AUH: variants seen among roughly 807,000 people sequenced by gnomAD.
The protein encoded by AUH is methylglutaconyl-CoA hydratase, mitochondrial.
In AUH, 29 loss-of-function variants were observed where a neutral mutation model predicts 42.3. The observed-to-expected ratio is 0.69, with a 90% CI of 0.51 to 0.93. The LOEUF (loss-of-function observed/expected upper bound fraction) is 0.93, where lower values mean the gene tolerates loss of function less well. Ranked by LOEUF, AUH falls within the 40% of genes least tolerant of loss-of-function variation. The probability of loss-of-function intolerance (pLI) is 0.00; values close to 1 mark genes in which losing one functional copy is unlikely to be tolerated. For synonymous variants in AUH, 174 were observed against 166.4 expected, an observed-to-expected ratio of 1.05 and a Z score of -0.35; for missense variants, 452 against 438.1, an observed-to-expected ratio of 1.03 and a Z score of -0.28.
In AUH at chr9:91,336,220, C is replaced by T. The variant is rs535300520; in HGVS notation, c.419-10816G>A. On this transcript the variant is annotated intron_variant, in intron 3 of 9. Coordinates refer to ENST00000375731, the MANE Select transcript of AUH (RefSeq NM_001698.3). ...TGGCATATGCATATATATGTATATACACACACATACATACAAACACATACA... is the reference window on the plus strand; with the variant it reads ...TGGCATATGCATATATATGTATATATACACACATACATACAAACACATACA... Among the ~76,000 whole-genome samples the T allele has an allele frequency of 5.9e-5, 9 of 151,870 alleles. No individual in the cohort carries two copies. The South Asian group carries it at 1.7e-3, about 28-fold the overall frequency.
intron 3 of AUH, among the ~76,000 whole-genome samples, chr9:91,352,661 C>G (rs764386477): frequency 3.3e-5 from 5 of 152,088 alleles, no homozygotes; most frequent in African/African-American, 4.8e-5. Flanking sequence ...TATCTGTTTT[C>G]CTAGCATTTT....
At chr9:91,308,334 C>A (rs777034201) in intron 4 of AUH, among the ~76,000 whole-genome samples, 1 of 152,152 alleles carries the variant, frequency 6.6e-6, no homozygotes, top group Non-Finnish European at 1.5e-5. Flanking sequence ...GCACTTCAGC[C>A]TGGGCAAGAG....
chr9:91,357,983 T>C (rs1010450392), intron 1 of AUH, among the ~76,000 whole-genome samples: 3 of 152,200 alleles, frequency 2.0e-5, no homozygotes, highest in Non-Finnish European at 2.9e-5. Context: ...GTTTCTATAC[T>C]TGGAGATCAT....
intron 6 of AUH, among the ~76,000 whole-genome samples, chr9:91,223,908 C>CA (rs34075719): frequency 3.3e-5 from 5 of 152,044 alleles, no homozygotes; most frequent in African/African-American, 7.2e-5. Context: ...TCAGGCCTTT[C>CA]AAAAAAAGTA....
At chr9:91,286,843 T>G (rs1363766910) in intron 6 of AUH, among the ~76,000 whole-genome samples, 1 of 151,896 alleles carries the variant, frequency 6.6e-6, no homozygotes, top group Non-Finnish European at 1.5e-5. Flanking sequence ...ACATGAGGAA[T>G]AAGTTCAAAA....
chr9:91,349,591 T>C (rs1392877269), intron 3 of AUH, among the ~76,000 whole-genome samples: 1 of 152,130 alleles, frequency 6.6e-6, no homozygotes, highest in Non-Finnish European at 1.5e-5. Flanking sequence ...AAATTTTAAC[T>C]ACATAAACAT....
intron 6 of AUH, among the ~76,000 whole-genome samples, chr9:91,274,253 T>C (rs1049281482): frequency 1.3e-5 from 2 of 152,196 alleles, no homozygotes; most frequent in African/African-American, 4.8e-5. Context: ...ATTTAACAAA[T>C]ATTTACTAAG....
intron 3 of AUH, among the ~76,000 whole-genome samples, chr9:91,327,638 T>C (rs888752481): frequency 3.9e-5 from 6 of 152,158 alleles, no homozygotes; most frequent in African/African-American, 1.4e-4. Context: ...GACAAGGACC[T>C]GGAACTCGCT....
Position 91,286,783 on chromosome 9 carries a change from G to A in AUH, c.655+9238C>T, listed in dbSNP as rs144620327. On this transcript the variant is annotated intron_variant, in intron 6 of 9. Transcript: ENST00000375731. ...ACCTACCTACCTAACTACCTATCGT[G>A]TTTGTATGGGGACACTGAGGAGATG... Among the ~76,000 whole-genome samples the A allele has an allele frequency of 5.4e-4, 82 of 151,252 alleles. 2 individuals carry two copies. In the East Asian group the frequency reaches 0.016, roughly 29 times the overall value.
chr9:91,343,536 G>A (rs910130060), intron 3 of AUH, among the ~76,000 whole-genome samples: 1 of 152,208 alleles, frequency 6.6e-6, no homozygotes, highest in South Asian at 2.1e-4. Flanking sequence ...GGAGGCTGAG[G>A]CAGGCGGCCT....
At chr9:91,262,924 T>G (rs1278370996) in intron 6 of AUH, among the ~76,000 whole-genome samples, 1 of 152,194 alleles carries the variant, frequency 6.6e-6, no homozygotes, top group African/African-American at 2.4e-5. Context: ...CGATCTCACT[T>G]ACAGGCCACA....
chr9:91,218,474 T>C (rs1379021208), intron 7 of AUH: 2 of 347,242 alleles, frequency 5.8e-6, no homozygotes, highest in Non-Finnish European at 8.1e-6. Context: ...TGCACACAAA[T>C]CCCCATCCTC....
At chr9:91,296,238 T>C (rs1014906051) in intron 5 of AUH, among the ~76,000 whole-genome samples, 161 bp from the exon 6 acceptor site, 5 of 151,370 alleles carry the variant, frequency 3.3e-5, no homozygotes, top group African/African-American at 9.7e-5. Context: ...TGGAAATAAG[T>C]AAGCACTCTA....
At chr9:91,308,337 G>C (rs960989957) in intron 4 of AUH, among the ~76,000 whole-genome samples, 4 of 152,114 alleles carry the variant, frequency 2.6e-5, no homozygotes, top group Non-Finnish European at 5.9e-5. Context: ...CTTCAGCCTG[G>C]GCAAGAGAGC....
chr9:91,338,494 G>A (rs753598698), intron 3 of AUH, among the ~76,000 whole-genome samples: 2 of 152,168 alleles, frequency 1.3e-5, no homozygotes, highest in Non-Finnish European at 1.5e-5. Context: ...GCAATGGCGC[G>A]ATCTCGGCTC....
chr9:91,268,433 A>T (rs1377683341), intron 6 of AUH, among the ~76,000 whole-genome samples: 2 of 147,438 alleles, frequency 1.4e-5, no homozygotes, highest in Non-Finnish European at 3.0e-5. Flanking sequence ...CTTCCTAGAC[A>T]TTTTTTTTTT....
At chr9:91,336,096 A>T (rs374153852) in intron 3 of AUH, among the ~76,000 whole-genome samples, 1 of 152,338 alleles carries the variant, frequency 6.6e-6, no homozygotes, top group East Asian at 1.9e-4. Context: ...GTCAATTTAC[A>T]AACAATTTAA....
chr9:91,252,570 T>C (rs528214228), intron 6 of AUH, among the ~76,000 whole-genome samples: 44 of 152,218 alleles, frequency 2.9e-4, no homozygotes, highest in African/African-American at 1.1e-3. Flanking sequence ...ACAAAGACTG[T>C]GTGTGGCCAT....
At chr9:91,280,846 T>C (rs984682065) in intron 6 of AUH, among the ~76,000 whole-genome samples, 1 of 152,214 alleles carries the variant, frequency 6.6e-6, no homozygotes, top group African/African-American at 2.4e-5. Flanking sequence ...TTATGAGGTT[T>C]ACATCAAGGT....
Sources: gnomAD v4.1 joint callset for allele counts (sites outside exome capture counted in the v4.1 genomes callset) on GRCh38, gnomAD v4.1.1 for gene constraint, MANE v1.5 for transcripts, NCBI Gene and HGNC (gene_info 2026-07-23, HGNC 2026-07-21) for gene names.